The following C4orf36 variants were observed in gnomAD, a reference collection of about 807,000 sequenced individuals.
The protein encoded by C4orf36 is chromosome 4 open reading frame 36.
In C4orf36, 11 loss-of-function variants were observed where a neutral mutation model predicts 12.2. That is an observed-to-expected ratio of 0.90 (90% CI 0.57 to 1.49). C4orf36 has a LOEUF of 1.49. Among genes scored for constraint, C4orf36 ranks in the 40% most tolerant of loss-of-function variants. C4orf36 has a pLI of 0.00. For synonymous variants in C4orf36, 54 were observed against 51.3 expected (o/e 1.05, Z -0.22); for missense variants, 137 against 133.9 (o/e 1.02, Z -0.11).
chr4:86,903,973 G>A, the C4orf36 span, among the ~76,000 whole-genome samples: 80 of 152,270 alleles, frequency 5.3e-4, no homozygotes, highest in Middle Eastern at 3.4e-3. Flanking sequence ...TGATTGGTGC[G>A]TTCACAAACC....
At chr4:86,935,553 A>C in the C4orf36 span, 1 of 150,296 alleles carries the variant, frequency 6.7e-6, no homozygotes, top group East Asian at 2.0e-4. Context: ...TTGCCTGTGC[A>C]CCCCGCGTTT....
At chr4:86,913,479 C>T in the C4orf36 span, 31 of 773,030 alleles carry the variant, frequency 4.0e-5, no homozygotes, top group East Asian at 2.5e-5. Context: ...AGACATGTTG[C>T]GTTGGATGCT....
intron 1 of C4orf36, 122 bp from the exon 2 acceptor site, chr4:86,891,715 AG>A: frequency 1.1e-6 from 1 of 927,040 alleles, no homozygotes; most frequent in Non-Finnish European, 1.5e-6. Context: ...TGGAACCCCA[AG>A]TGTAAAACCG....
At chr4:86,925,030 T>G in the C4orf36 span, 1 of 152,102 alleles carries the variant, frequency 6.6e-6, no homozygotes, top group Non-Finnish European at 1.5e-5. Flanking sequence ...GTGCCACACA[T>G]TTTTAAATGA....
the C4orf36 span, among the ~76,000 whole-genome samples, chr4:86,916,243 G>A: frequency 1.3e-5 from 2 of 151,944 alleles, no homozygotes. Flanking sequence ...GTATGTTGAT[G>A]CACCTCTTGG....
the C4orf36 span, chr4:86,913,949 C>T: frequency 1.1e-5 from 17 of 1,498,370 alleles, no homozygotes; most frequent in East Asian, 2.3e-5. Flanking sequence ...CTCAGCCTCC[C>T]GAGTAGCTGT....
Position 86,888,324 on chromosome 4 carries a change from T to C in C4orf36, c.66-49A>G, listed in dbSNP as rs1010980976. ...ATTCAATAAATATTGATTAAGCACC[T>C]ACTATGTGAGATGTAGAAGACATTA... On this transcript the variant is annotated intron_variant, in intron 2 of 4. Coordinates refer to ENST00000295898, the MANE Select transcript of C4orf36 (RefSeq NM_144645.4). 5.2e-6 allele frequency: 8 copies of C among 1,548,882 alleles called. No individual in the cohort carries two copies. In the African/African-American group the frequency reaches 1.1e-4, roughly 21 times the overall value.
At chr4:86,922,955 T>TTC in the C4orf36 span, among the ~76,000 whole-genome samples, 2 of 151,612 alleles carry the variant, frequency 1.3e-5, no homozygotes, top group African/African-American at 4.9e-5. Context: ...CTTCCTTTTT[T>TTC]TTTTTTTTTT....
the C4orf36 span, among the ~76,000 whole-genome samples, chr4:86,902,642 C>T: frequency 6.6e-6 from 1 of 152,126 alleles, no homozygotes; most frequent in African/African-American, 2.4e-5. Context: ...GTTCCTACTA[C>T]CTGCAACATC....
At position 86,887,762 on chromosome 4, in the gene C4orf36, A is replaced by G. The variant is rs982221718; in HGVS notation, c.352T>C (p.Ter118ArgextTer7). 6.2e-7 allele frequency: 1 copy of G among 1,614,246 alleles called. No individual in the cohort carries two copies. Among genetic ancestry groups the G allele is most frequent in the Non-Finnish European group, 8.5e-7 (1 of 1,180,046 alleles). ...AGLRRPLPSK[*>R] Reference sequence around the variant, plus strand: ...CAGATTCAATCATGAACTGACTGTCATTTAGATGGAAGAGGTCTTCTCAAA... The same window carrying G: ...CAGATTCAATCATGAACTGACTGTCGTTTAGATGGAAGAGGTCTTCTCAAA... The change falls in exon 4 of 5, where the codon TGA (stop) becomes CGA (arginine). Residue 118 changes from the stop codon to arginine (R), a stop_lost. Coordinates refer to ENST00000295898, the MANE Select transcript of C4orf36 (RefSeq NM_144645.4).
the C4orf36 span, among the ~76,000 whole-genome samples, chr4:86,906,389 G>A: frequency 6.6e-6 from 1 of 152,090 alleles, no homozygotes; most frequent in Non-Finnish European, 1.5e-5. Context: ...ACCAGGCTCT[G>A]ACCTCAAATA....
At chr4:86,921,266 CA>C in the C4orf36 span, among the ~76,000 whole-genome samples, 1 of 151,412 alleles carries the variant, frequency 6.6e-6, no homozygotes, top group South Asian at 2.1e-4. Flanking sequence ...GTCACACACA[CA>C]AAAAAATAGA....
the C4orf36 span, among the ~76,000 whole-genome samples, chr4:86,916,173 TTGGA>T: frequency 3.3e-5 from 5 of 152,032 alleles, no homozygotes; most frequent in Admixed American, 6.5e-5. Context: ...AAGAATTTGG[TTGGA>T]TGGTCAAGAA....
the C4orf36 span, among the ~76,000 whole-genome samples, chr4:86,908,277 T>C: frequency 6.6e-6 from 1 of 151,488 alleles, no homozygotes; most frequent in South Asian, 2.1e-4. Flanking sequence ...GAAGAAGTGA[T>C]GATGAAAGAA....
At chr4:86,913,634 G>A in the C4orf36 span, 3 of 1,534,906 alleles carry the variant, frequency 2.0e-6, no homozygotes, top group Non-Finnish European at 1.8e-6. Context: ...CTCTGTGTGA[G>A]ACCTGCACAC....
At chr4:86,918,810 CGT>C in the C4orf36 span, among the ~76,000 whole-genome samples, 30,805 of 149,912 alleles carry the variant, frequency 0.21, 3,204 homozygotes, top group African/African-American at 0.22. Context: ...GTTGTGTGTG[CGT>C]GTGTGTGTGT....
intron 2 of C4orf36, 152 bp downstream of exon 2, chr4:86,891,304 A>AT (rs1432503321): frequency 1.6e-6 from 1 of 641,582 alleles, no homozygotes; most frequent in African/African-American, 1.8e-5. Flanking sequence ...AAAAAAAAAA[A>AT]AAAAAAAAAT....
At chr4:86,881,678 C>CT (rs111401943) in intron 4 of C4orf36, among the ~76,000 whole-genome samples, 24,474 of 146,272 alleles carry the variant, frequency 0.17, 2,130 homozygotes, top group South Asian at 0.23. Context: ...CTGAAATTTT[C>CT]TTTTTTTTTT....
the C4orf36 span, chr4:86,914,344 C>CATGAACTCAAGGAGCA: frequency 6.8e-7 from 1 of 1,472,256 alleles, no homozygotes; most frequent in Non-Finnish European, 9.5e-7. Context: ...CCGTTGTGCT[C>CATGAACTCAAGGAGCA]CTTGAGTTCA....
Sources: gnomAD v4.1 joint callset for allele counts (sites outside exome capture counted in the v4.1 genomes callset) on GRCh38, gnomAD v4.1.1 for gene constraint, MANE v1.5 for transcripts, NCBI Gene and HGNC (gene_info 2026-07-23, HGNC 2026-07-21) for gene names.